The following OTOP3 variants were observed in gnomAD, a reference collection of about 807,000 sequenced individuals.
The protein encoded by OTOP3 is proton channel OTOP3.
In OTOP3, 41 loss-of-function variants were observed where a neutral mutation model predicts 50.8. The ratio of observed to expected loss-of-function variants is 0.81; its 90% confidence interval spans 0.63 to 1.05. OTOP3 has a LOEUF of 1.05. Among genes scored for constraint, OTOP3 ranks in the 50% least tolerant of loss-of-function variants. The probability of loss-of-function intolerance (pLI) is 0.00; values close to 1 mark genes in which losing one functional copy is unlikely to be tolerated. For synonymous variants in OTOP3, 320 were observed against 324.4 expected (o/e 0.99, Z 0.14); for missense variants, 788 against 760.8 (o/e 1.04, Z -0.42).
chr17:74,942,931 C>T (rs549393759), intron 3 of OTOP3, among the ~76,000 whole-genome samples: 5 of 152,032 alleles, frequency 3.3e-5, no homozygotes, highest in African/African-American at 7.2e-5. Context: ...GGCGACAGAG[C>T]GAGACTCCAA....
chr17:74,938,765 G>A (rs2039143097), intron 1 of OTOP3, among the ~76,000 whole-genome samples: 1 of 152,098 alleles, frequency 6.6e-6, no homozygotes, highest in Non-Finnish European at 1.5e-5. Context: ...TTATACTGAG[G>A]GCAATTAGTT....
chr17:74,942,354 G>A (rs1378349581), intron 3 of OTOP3, among the ~76,000 whole-genome samples: 1 of 152,218 alleles, frequency 6.6e-6, no homozygotes, highest in Non-Finnish European at 1.5e-5. Context: ...ATCTCGGCAG[G>A]GCGCAGTGGC....
chr17:74,946,500 G>A (rs1396668451), intron 5 of OTOP3, among the ~76,000 whole-genome samples, 161 bp from the exon 6 acceptor site: 1 of 152,224 alleles, frequency 6.6e-6, no homozygotes, highest in Non-Finnish European at 1.5e-5. Context: ...TGGGATTTGT[G>A]ATCTCTTTGC....
At position 74,944,078 on chromosome 17, in the gene OTOP3, A is replaced by C. The variant is rs549115482; in HGVS notation, c.751+354A>C. On this transcript the variant is annotated intron_variant, in intron 5 of 6. Coordinates refer to ENST00000328801, the MANE Select transcript of OTOP3 (RefSeq NM_001272005.2). Reference sequence around the variant, plus strand: ...AGCAACTCAACAGCCTCCCGGCTGAAAGGAATATCTTCCTAACACAATTTT... The same window carrying C: ...AGCAACTCAACAGCCTCCCGGCTGACAGGAATATCTTCCTAACACAATTTT... Among the ~76,000 whole-genome samples, 310 of 152,244 alleles carry C rather than the reference A, an allele frequency of 2.0e-3. 3 individuals are homozygous for C. The South Asian group carries it at 0.031, about 15-fold the overall frequency.
At position 74,941,765 on chromosome 17, in the gene OTOP3, C is replaced by A. The variant is rs201902924; in HGVS notation, c.392C>A (p.Ala131Asp). Residue 131 changes from alanine to aspartate, a missense_variant, in exon 2 of 7, where the codon GCC becomes GAC. Coordinates refer to ENST00000328801, the MANE Select transcript of OTOP3 (RefSeq NM_001272005.2). ...GCAAGCACCACCCGCCGACCACACG[C>A]CGTGCTCTACCAAGATCCCCACGCG... Reference protein sequence around the residue: ...YVASTTRRPHAVLYQDPHAGP... With the variant: ...YVASTTRRPHDVLYQDPHAGP... 3.7e-6 allele frequency: 6 copies of A among 1,613,784 alleles called. No individual in the cohort carries two copies. The Admixed American group carries it at 8.3e-5, about 22-fold the overall frequency.
chr17:74,943,209 C>T (rs1175050390), intron 3 of OTOP3, 77 bp from the exon 4 acceptor site: 56 of 1,261,088 alleles, frequency 4.4e-5, no homozygotes, highest in Non-Finnish European at 5.5e-5. Context: ...TGTAAATACA[C>T]GCATGCGCCC....
intron 1 of OTOP3, among the ~76,000 whole-genome samples, chr17:74,938,785 G>A (rs1168743657): frequency 6.6e-6 from 1 of 152,120 alleles, no homozygotes; most frequent in Non-Finnish European, 1.5e-5. Flanking sequence ...TGCCTTTGCA[G>A]GACTTTAAGT....
chr17:74,948,773 G>A (rs1250269345), intron 6 of OTOP3, among the ~76,000 whole-genome samples: 2 of 152,210 alleles, frequency 1.3e-5, no homozygotes, highest in East Asian at 1.9e-4. Flanking sequence ...GGGAGGTTGA[G>A]GCTGCAGTGA....
At chr17:74,939,749 AGGG>A (rs1018047629) in intron 1 of OTOP3, among the ~76,000 whole-genome samples, 2 of 151,826 alleles carry the variant, frequency 1.3e-5, no homozygotes, top group African/African-American at 4.8e-5. Context: ...GAGTGGGGGG[AGGG>A]GCACAGAAAT....
At chr17:74,939,744 G>A (rs565351125) in intron 1 of OTOP3, among the ~76,000 whole-genome samples, 16 of 152,232 alleles carry the variant, frequency 1.1e-4, no homozygotes, top group African/African-American at 3.9e-4. Flanking sequence ...TCCGGGAGTG[G>A]GGGGAGGGGC....
In OTOP3 at chr17:74,935,923, T is replaced by TGCCACG. The variant is rs1242762281; in HGVS notation, c.5_6insACGGCC (p.Pro2_Leu3insArgPro). 1 of 1,545,444 alleles carries TGCCACG rather than the reference T, an allele frequency of 6.5e-7. No individual in the cohort carries two copies. Among genetic ancestry groups the TGCCACG allele is most frequent in the East Asian group, 2.4e-5 (1 of 40,880 alleles). On this transcript the variant is annotated inframe_insertion, in exon 1 of 7. Transcript: ENST00000328801. Reference sequence around the variant, plus strand: ...GCAGTCGGTGGTTAGCCCACGGCGATGCCTCTCCCGGCCTCAGGTAAGCCC... The same window carrying TGCCACG: ...GCAGTCGGTGGTTAGCCCACGGCGATGCCACGGCCTCTCCCGGCCTCAGGTAAGCCC...
In OTOP3 at chr17:74,947,377, C is replaced by A. The variant is rs372116266; in HGVS notation, c.1468C>A (p.Arg490=). The A allele has an allele frequency of 1.2e-6, 2 of 1,613,080 alleles. No individual in the cohort carries two copies. Among genetic ancestry groups the A allele is most frequent in the Non-Finnish European group, 8.5e-7 (1 of 1,180,020 alleles). ...SLLELGQGLQ[R]ASLAYIHSYS... ...GCTGGAGCTGGGCCAGGGCCTGCAGCGGGCCTCACTGGCCTACATCCACTC... is the reference window on the plus strand; with the variant it reads ...GCTGGAGCTGGGCCAGGGCCTGCAGAGGGCCTCACTGGCCTACATCCACTC... The change falls in exon 6 of 7, where the codon CGG becomes AGG. Residue 490 remains arginine (R), a synonymous_variant. Transcript: ENST00000328801.
chr17:74,941,682 G>C lies in OTOP3; in HGVS notation c.309G>C (p.Val103=). Residue 103 remains valine (V), a synonymous_variant, in exon 2 of 7, where the codon GTG becomes GTC. Coordinates refer to ENST00000328801, the MANE Select transcript of OTOP3 (RefSeq NM_001272005.2). ...AGGTGGCCGTCACTCTGGGTGACGT[G>C]TGGATCCTGCTGGCCACGCTGAAGG... The part of the protein sequence containing the change: ...FNKVAVTLGD[V]WILLATLKVL... 1 of 1,614,168 alleles carries C rather than the reference G, an allele frequency of 6.2e-7. No individual in the cohort carries two copies. The highest frequency in any genetic ancestry group is 8.5e-7 in the Non-Finnish European group (1 of 1,180,026).
intron 6 of OTOP3, among the ~76,000 whole-genome samples, chr17:74,948,754 C>T (rs1313045652): frequency 6.6e-6 from 1 of 152,188 alleles, no homozygotes; most frequent in Non-Finnish European, 1.5e-5. Context: ...GGGAGGATCA[C>T]TTGAGCCCGG....
chr17:74,947,389 G>A lies in OTOP3; in HGVS notation c.1480G>A (p.Ala494Thr). The A allele has an allele frequency of 6.2e-7, 1 of 1,613,114 alleles. No individual in the cohort carries two copies. The highest frequency in any genetic ancestry group is 8.5e-7 in the Non-Finnish European group (1 of 1,179,992). Residue 494 changes from alanine (A) to threonine (T), a missense_variant, in exon 6 of 7, where the codon GCC (alanine) becomes ACC (threonine). Transcript: ENST00000328801. The part of the protein sequence containing the change: ...LGQGLQRASL[A>T]YIHSYSHLNW... Reference sequence around the variant, plus strand: ...CCAGGGCCTGCAGCGGGCCTCACTGGCCTACATCCACTCCTACAGCCACCT... The same window carrying A: ...CCAGGGCCTGCAGCGGGCCTCACTGACCTACATCCACTCCTACAGCCACCT...
chr17:74,946,908 T>C lies in OTOP3; in HGVS notation c.999T>C (p.Gly333=). Residue 333 remains glycine, a synonymous_variant, in exon 6 of 7, where the codon GGT becomes GGC. Coordinates refer to ENST00000328801, the MANE Select transcript of OTOP3 (RefSeq NM_001272005.2). The part of the protein sequence containing the change: ...PLLGLLVLLA[G]VCVFVLFQIE... ...TGGGCCTGCTGGTGCTGCTGGCAGG[T>C]GTGTGCGTCTTTGTGCTCTTCCAAA... The C allele has an allele frequency of 6.2e-7, 1 of 1,611,734 alleles. No homozygotes were observed. Among genetic ancestry groups the C allele is most frequent in the Non-Finnish European group, 8.5e-7 (1 of 1,179,898 alleles).
At chr17:74,947,641 G>A (rs2039243215) in intron 6 of OTOP3, among the ~76,000 whole-genome samples, 166 bp downstream of exon 6, 1 of 152,204 alleles carries the variant, frequency 6.6e-6, no homozygotes, top group Non-Finnish European at 1.5e-5. Context: ...AAATGAATGT[G>A]CCAAGCACTT....
At position 74,941,999 on chromosome 17, in the gene OTOP3, G is replaced by T; in HGVS notation, c.535G>T (p.Val179Phe). The T allele has an allele frequency of 6.2e-7, 1 of 1,613,434 alleles. No homozygotes were observed. Among genetic ancestry groups the T allele is most frequent in the Non-Finnish European group, 8.5e-7 (1 of 1,179,694 alleles). ...CCGCTGCAAGTCACAGCTGGACCTT[G>T]TCTTCTCTGTCATCGAGATGGTCTT... ...HIRCKSQLDL[V>F]FSVIEMVFIG... Residue 179 changes from valine (V) to phenylalanine (F), a missense_variant, in exon 3 of 7, where the codon GTC becomes TTC. Coordinates refer to ENST00000328801, the MANE Select transcript of OTOP3 (RefSeq NM_001272005.2).
intron 1 of OTOP3, among the ~76,000 whole-genome samples, chr17:74,939,742 T>TG (rs1357014000): frequency 6.6e-6 from 1 of 151,376 alleles, no homozygotes; most frequent in Non-Finnish European, 1.5e-5. Flanking sequence ...CTTCCGGGAG[T>TG]GGGGGGAGGG....
Sources: allele counts gnomAD v4.1 joint callset (sites outside exome capture counted in the v4.1 genomes callset), GRCh38; gene constraint gnomAD v4.1.1; transcripts MANE v1.5; gene names NCBI Gene and HGNC (gene_info 2026-07-23, HGNC 2026-07-21).